SGK2: variants seen among roughly 807,000 people sequenced by gnomAD.
SGK2 encodes the protein serine/threonine-protein kinase Sgk2.
A neutral mutation model predicts 47.5 loss-of-function variants in SGK2; 36 were observed. The ratio of observed to expected loss-of-function variants is 0.76; its 90% CI spans 0.58 to 1.00. The LOEUF (loss-of-function observed/expected upper bound fraction) is 1.00, where lower values mean the gene tolerates loss of function less well. Ranked by LOEUF, SGK2 falls within the 50% of genes least tolerant of loss-of-function variation. The probability of loss-of-function intolerance (pLI) is 0.00; values close to 1 mark genes in which losing one functional copy is unlikely to be tolerated. For synonymous variants in SGK2, 157 were observed against 181.9 expected (o/e 0.86, Z 1.10); for missense variants, 404 against 467.4 (o/e 0.86, Z 1.25).
chr20:43,567,018 A>C, intron 2 of SGK2, 50 bp from the exon 3 acceptor site: 3 of 1,466,786 alleles, frequency 2.0e-6, no homozygotes, highest in Non-Finnish European at 2.9e-6. Flanking sequence ...GGAGAAAGGG[A>C]GGTAGCCAAG....
intron 1 of SGK2, among the ~76,000 whole-genome samples, chr20:43,560,240 C>G (rs1356856230): frequency 6.6e-6 from 1 of 152,054 alleles, no homozygotes; most frequent in South Asian, 2.1e-4. Flanking sequence ...GGCTCACACC[C>G]GTAATCCTAA....
At position 43,569,490 on chromosome 20, in the gene SGK2, G is replaced by C; in HGVS notation, c.334G>C (p.Val112Leu). Residue 112 changes from valine to leucine, a missense_variant, in exon 6 of 13, where the codon GTG becomes CTG. Physicochemically the swap from Val to Leu is conservative, Grantham distance 32. Transcript: ENST00000373100. The part of the protein sequence containing the change: ...SFQTPEKLYF[V>L]LDYVNGGELF... Reference sequence around the variant, plus strand: ...CCAGACACCTGAGAAGCTCTACTTCGTGCTCGACTATGTCAACGGGGGAGA... The same window carrying C: ...CCAGACACCTGAGAAGCTCTACTTCCTGCTCGACTATGTCAACGGGGGAGA... 1 of 1,613,474 alleles carries C rather than the reference G, an allele frequency of 6.2e-7. No individual in the cohort carries two copies. The highest frequency in any genetic ancestry group is 8.5e-7 in the Non-Finnish European group (1 of 1,180,002).
intron 11 of SGK2, among the ~76,000 whole-genome samples, chr20:43,579,597 T>C (rs1484101232): frequency 6.6e-6 from 1 of 152,110 alleles, no homozygotes; most frequent in Non-Finnish European, 1.5e-5. Context: ...ACTGGAAAAC[T>C]CAAGATGTAC....
chr20:43,564,927 ACT>A (rs1979599236), intron 1 of SGK2: 1 of 152,726 alleles, frequency 6.5e-6, no homozygotes, highest in African/African-American at 2.4e-5. Flanking sequence ...TGCACAAAAC[ACT>A]CACACAGTAC....
In SGK2 at chr20:43,567,122, G is replaced by C; in HGVS notation, c.86+5G>C. 6.2e-7 allele frequency: 1 copy of C among 1,613,498 alleles called. No homozygotes were observed. Among genetic ancestry groups the C allele is most frequent in the Non-Finnish European group, 8.5e-7 (1 of 1,179,454 alleles). On this transcript the variant is annotated splice_donor_5th_base_variant and intron_variant, in intron 3 of 12. Transcript: ENST00000373100. ...GGGGCCTTCAGCCAACCCAAAGTGA[G>C]TTCTGGTCCCTCAAGCACCTTTCCT... is the stretch of plus-strand genomic sequence containing the variant.
chr20:43,562,038 T>C (rs1979416921), intron 1 of SGK2, among the ~76,000 whole-genome samples: 1 of 152,122 alleles, frequency 6.6e-6, no homozygotes, highest in Non-Finnish European at 1.5e-5. Flanking sequence ...AGTGCCATTA[T>C]TGAGGCTGAA....
chr20:43,561,537 A>G lies in SGK2; in HGVS notation c.-24+2378A>G, dbSNP rs191568568. ...CCTGAGTAGCTGGGACTACAGGCAC[A>G]TATCACCACGCCCAGCTAATTTTTG... On this transcript the variant is annotated intron_variant, in intron 1 of 12. Transcript: ENST00000373100. Among the ~76,000 whole-genome samples, 18 of 151,960 alleles carry G rather than the reference A, an allele frequency of 1.2e-4. No homozygotes were observed. The East Asian group carries it at 3.1e-3, about 26-fold the overall frequency.
intron 12 of SGK2, among the ~76,000 whole-genome samples, chr20:43,582,086 C>T (rs780555192): frequency 2.0e-5 from 3 of 152,220 alleles, no homozygotes; most frequent in Non-Finnish European, 4.4e-5. Context: ...CTCACTCTAT[C>T]ACCCAGGCTG....
intron 1 of SGK2, among the ~76,000 whole-genome samples, chr20:43,565,477 C>T (rs998278720): frequency 6.6e-6 from 1 of 152,186 alleles, no homozygotes; most frequent in African/African-American, 2.4e-5. Context: ...TCAGGGAAGC[C>T]TGGGCTGGGG....
rs1389996461 is a variant in SGK2 at position 43,572,822 on chromosome 20, T to C, written c.597+685T>C. Among the ~76,000 whole-genome samples, 1 of 152,246 alleles carries C rather than the reference T, an allele frequency of 6.6e-6. No individual in the cohort carries two copies. Among genetic ancestry groups the C allele is most frequent in the Non-Finnish European group, 1.5e-5 (1 of 68,034 alleles). On this transcript the variant is annotated intron_variant, in intron 9 of 12. Coordinates refer to ENST00000373100, the MANE Select transcript of SGK2 (RefSeq NM_170693.3). The surrounding 1 kb of genome is among the most constrained non-coding windows in gnomAD (Gnocchi z 4.2). ...AACCCAATATATCCAATATTCTCAT[T>C]TCAACATACCATCAATATAAAACTG... is the stretch of plus-strand genomic sequence containing the variant.
In SGK2 at chr20:43,585,229, G is replaced by C. The variant is rs1252095318; in HGVS notation, c.*213G>C. On this transcript the variant is annotated 3_prime_UTR_variant, in exon 13 of 13. Transcript: ENST00000373100. ...GCTGTATCTCTGCCCTGCCAACCTT[G>C]ACAAATGGCTTCCAATGTTAGGTTT... is the stretch of plus-strand genomic sequence containing the variant. The C allele has an allele frequency of 2.7e-6, 1 of 376,726 alleles. No homozygotes were observed. Among genetic ancestry groups the C allele is most frequent in the African/African-American group, 2.0e-5 (1 of 49,462 alleles). 23.3% of individuals were successfully genotyped at this position (376,726 alleles called of 1,614,324 possible).
At chr20:43,569,358 T>C (rs921871476) in intron 5 of SGK2, 27 bp from the exon 6 acceptor site, 5 of 1,612,572 alleles carry the variant, frequency 3.1e-6, no homozygotes, top group Non-Finnish European at 4.2e-6. Context: ...GGCTGTGACA[T>C]GGACCCCTCT....
chr20:43,561,386 ATTTTTT>A (rs5841510), intron 1 of SGK2, among the ~76,000 whole-genome samples: 14 of 112,410 alleles, frequency 1.2e-4, no homozygotes, highest in Non-Finnish European at 1.8e-5. Context: ...GAGGCTTTGG[ATTTTTT>A]TTTTTTTTTT....
intron 11 of SGK2, among the ~76,000 whole-genome samples, chr20:43,578,516 G>C (rs891861495): frequency 6.6e-6 from 1 of 152,142 alleles, no homozygotes; most frequent in African/African-American, 2.4e-5. Flanking sequence ...TGGACTATGA[G>C]GCAAACTACC....
At chr20:43,560,929 C>A (rs1176386092) in intron 1 of SGK2, among the ~76,000 whole-genome samples, 1 of 152,110 alleles carries the variant, frequency 6.6e-6, no homozygotes, top group South Asian at 2.1e-4. Flanking sequence ...AAAATAAAAA[C>A]TAATAAATAC....
intron 12 of SGK2, chr20:43,583,697 G>C: frequency 6.4e-6 from 5 of 779,810 alleles, no homozygotes; most frequent in Non-Finnish European, 7.8e-6. Context: ...GGCTGGGCAT[G>C]GTAGTTCATA....
intron 7 of SGK2, 98 bp from the exon 8 acceptor site, chr20:43,570,926 A>G: frequency 7.0e-6 from 11 of 1,577,752 alleles, no homozygotes; most frequent in Non-Finnish European, 9.6e-6. Flanking sequence ...AACCTCCATG[A>G]ATAGTTCTCC....
At chr20:43,563,639 G>A (rs541320612) in intron 1 of SGK2, among the ~76,000 whole-genome samples, 2 of 152,326 alleles carry the variant, frequency 1.3e-5, no homozygotes, top group Admixed American at 1.3e-4. Flanking sequence ...AAGAGAGGGA[G>A]CTCTTGCAGC....
chr20:43,582,921 C>G (rs144645563), intron 12 of SGK2, among the ~76,000 whole-genome samples: 9 of 152,236 alleles, frequency 5.9e-5, no homozygotes, highest in African/African-American at 1.9e-4. Flanking sequence ...GTCTTGAACT[C>G]CTGACCTCAA....
Sources: gnomAD v4.1 joint callset for allele counts (sites outside exome capture counted in the v4.1 genomes callset) on GRCh38, gnomAD v4.1.1 for gene constraint, Gnocchi (gnomAD v3.1) non-coding constraint, MANE v1.5 for transcripts, NCBI Gene and HGNC (gene_info 2026-07-23, HGNC 2026-07-21) for gene names.